ANKRD45: variants seen among roughly 807,000 people sequenced by gnomAD.
The protein encoded by ANKRD45 is ankyrin repeat domain-containing protein 45.
In ANKRD45, 21 loss-of-function variants were observed where a neutral mutation model predicts 28.1. That is an observed-to-expected ratio of 0.75 (90% CI 0.53 to 1.08). The LOEUF is 1.08. ANKRD45 is among the 50% of genes least tolerant of loss of function. ANKRD45 has a pLI of 0.00. For missense variants in ANKRD45, 261 were observed against 308.7 expected (o/e 0.85, Z 1.16); for synonymous variants, 86 against 103.9 (o/e 0.83, Z 1.05).
the ANKRD45 span, among the ~76,000 whole-genome samples, chr1:173,688,411 CCTCTCTCTCTGCCTCTTCCT>C: frequency 9.6e-5 from 10 of 104,028 alleles, no homozygotes; most frequent in East Asian, 2.7e-4. Flanking sequence ...TCTGCCTCTT[CCTCTCTCTCTGCCTCTTCCT>C]CTCTCTCTCT....
chr1:173,663,454 T>C (rs976537209), intron 1 of ANKRD45, among the ~76,000 whole-genome samples: 1 of 152,102 alleles, frequency 6.6e-6, no homozygotes, highest in Non-Finnish European at 1.5e-5. Flanking sequence ...TTCCCCAAAA[T>C]CTCATCTCCT....
At chr1:173,673,555 G>A (rs1187219899), upstream of ANKRD45, among the ~76,000 whole-genome samples, 1 of 152,080 alleles carries the variant, frequency 6.6e-6, no homozygotes, top group Non-Finnish European at 1.5e-5. Flanking sequence ...ATTATATGCT[G>A]AGTACTGTGT....
intron 1 of ANKRD45, among the ~76,000 whole-genome samples, chr1:173,664,109 C>G (rs145472954): frequency 8.4e-4 from 128 of 152,126 alleles, no homozygotes; most frequent in African/African-American, 2.9e-3. Flanking sequence ...CTTGAATAAG[C>G]ACTATGGAGA....
At chr1:173,613,433 G>A (rs1455204862) in intron 5 of ANKRD45, among the ~76,000 whole-genome samples, 2 of 150,742 alleles carry the variant, frequency 1.3e-5, no homozygotes, top group African/African-American at 2.5e-5. Flanking sequence ...ATCTCCGCCC[G>A]GCAGCCGCCC....
the ANKRD45 span, among the ~76,000 whole-genome samples, chr1:173,681,432 A>T: frequency 6.6e-6 from 1 of 152,282 alleles, no homozygotes; most frequent in South Asian, 2.1e-4. Context: ...TTTTCTTGAT[A>T]AAGTATTTTA....
chr1:173,645,266 C>T (rs1668873394), intron 3 of ANKRD45, among the ~76,000 whole-genome samples: 1 of 152,186 alleles, frequency 6.6e-6, no homozygotes, highest in Admixed American at 6.5e-5. Context: ...TAGTCCCTTT[C>T]TCATTTTATT....
At chr1:173,710,286 C>T in the ANKRD45 span, among the ~76,000 whole-genome samples, 609 of 152,310 alleles carry the variant, frequency 4.0e-3, 6 homozygotes, top group African/African-American at 0.014. Flanking sequence ...CAATTCTTGC[C>T]TCCTCAGAAG....
the ANKRD45 span, among the ~76,000 whole-genome samples, chr1:173,714,445 C>G: frequency 6.6e-6 from 1 of 152,110 alleles, no homozygotes; most frequent in Non-Finnish European, 1.5e-5. Context: ...CTAACACAGC[C>G]TTAGAGCCTG....
chr1:173,702,114 G>A, the ANKRD45 span, among the ~76,000 whole-genome samples: 1 of 152,180 alleles, frequency 6.6e-6, no homozygotes, highest in African/African-American at 2.4e-5. Context: ...GTGGTTACCT[G>A]GATTGGAAAA....
At chr1:173,699,002 C>T in the ANKRD45 span, among the ~76,000 whole-genome samples, 1 of 152,018 alleles carries the variant, frequency 6.6e-6, no homozygotes, top group South Asian at 2.1e-4. Context: ...CACCACCGAT[C>T]CCACAGAAAT....
chr1:173,643,601 AT>A (rs1571740984), intron 3 of ANKRD45, among the ~76,000 whole-genome samples: 5 of 152,302 alleles, frequency 3.3e-5, no homozygotes. Context: ...ATAATAAATG[AT>A]TATAGATTAA....
At chr1:173,652,669 T>C (rs1014977028) in intron 2 of ANKRD45, among the ~76,000 whole-genome samples, 4 of 152,210 alleles carry the variant, frequency 2.6e-5, no homozygotes, top group African/African-American at 7.2e-5. Flanking sequence ...TCAGAAGGAA[T>C]AGTACCAGCT....
chr1:173,624,111 T>C (rs1667822143), intron 5 of ANKRD45, among the ~76,000 whole-genome samples: 1 of 151,800 alleles, frequency 6.6e-6, no homozygotes. Flanking sequence ...AAAATAAATG[T>C]TGAAGGAAAA....
the ANKRD45 span, among the ~76,000 whole-genome samples, chr1:173,690,155 T>C: frequency 1.4e-5 from 2 of 143,816 alleles, no homozygotes; most frequent in Non-Finnish European, 3.0e-5. Context: ...TGGGAAATTC[T>C]AAATATCTTT....
At chr1:173,635,739 A>C in intron 3 of ANKRD45, 2 of 1,535,558 alleles carry the variant, frequency 1.3e-6, no homozygotes, top group Non-Finnish European at 1.7e-6. Flanking sequence ...GATATATTTC[A>C]GGGTTGTTTA....
At chr1:173,697,995 A>G in the ANKRD45 span, among the ~76,000 whole-genome samples, 1 of 152,250 alleles carries the variant, frequency 6.6e-6, no homozygotes, top group South Asian at 2.1e-4. Flanking sequence ...TGGAAAGAAA[A>G]AAAAAAAGCA....
intron 5 of ANKRD45, among the ~76,000 whole-genome samples, chr1:173,624,218 TGTGG>T (rs1466616907): frequency 6.6e-6 from 1 of 152,082 alleles, no homozygotes; most frequent in Non-Finnish European, 1.5e-5. Context: ...ACAGGCCCAG[TGTGG>T]TGGCTCACAC....
chr1:173,671,298 T>C (rs1388263785), upstream of ANKRD45, among the ~76,000 whole-genome samples: 1 of 152,156 alleles, frequency 6.6e-6, no homozygotes, highest in Non-Finnish European at 1.5e-5. Flanking sequence ...GGGCCTGTTT[T>C]CTGAAAAATG....
At chr1:173,695,145 G>A in the ANKRD45 span, among the ~76,000 whole-genome samples, 1,815 of 152,074 alleles carry the variant, frequency 0.012, 47 homozygotes, top group African/African-American at 0.042. Context: ...ATTTTGTCAC[G>A]TTAATGTGTA....
Sources: allele counts gnomAD v4.1 joint callset (sites outside exome capture counted in the v4.1 genomes callset), GRCh38; gene constraint gnomAD v4.1.1; transcripts MANE v1.5; gene names NCBI Gene and HGNC (gene_info 2026-07-23, HGNC 2026-07-21).